The following SCN1A variants were observed in gnomAD, a reference collection of about 807,000 sequenced individuals.
SCN1A encodes the protein sodium channel protein type 1 subunit alpha.
In SCN1A, 13 loss-of-function variants were observed where a neutral mutation model predicts 193.7. The observed-to-expected ratio is 0.07, with a 90% CI of 0.04 to 0.11. SCN1A has a LOEUF of 0.11. Ranked by LOEUF, SCN1A falls within the 10% of genes least tolerant of loss-of-function variation. SCN1A has a pLI of 1.00. For synonymous variants in SCN1A, 781 were observed against 843.6 expected (o/e 0.93, Z 1.29); for missense variants, 1,432 against 2,451.1 (o/e 0.58, Z 8.78).
intron 1 of SCN1A, among the ~76,000 whole-genome samples, chr2:166,146,796 T>C (rs1228760888): frequency 6.6e-6 from 1 of 152,200 alleles, no homozygotes; most frequent in Non-Finnish European, 1.5e-5. Context: ...AGAGCTAAAG[T>C]TCTAAAATGG....
chr2:166,094,060 C>T (rs956490312), intron 2 of SCN1A, among the ~76,000 whole-genome samples: 20 of 152,098 alleles, frequency 1.3e-4, no homozygotes, highest in African/African-American at 4.6e-4. Flanking sequence ...CACACACACA[C>T]ACACAAAAAT....
At position 166,118,354 on chromosome 2, in the gene SCN1A, G is replaced by A. The variant is rs73028933; in HGVS notation, c.-142+8570C>T. Among the ~76,000 whole-genome samples the A allele has an allele frequency of 2.4e-3, 267 of 111,228 alleles. 1 individual carries two copies. The highest frequency in any genetic ancestry group is 9.3e-3 in the African/African-American group (261 of 28,110). The allele number at this position is 111,228 out of a possible 152,430, so 73.0% of individuals were successfully genotyped here. A position where few individuals can be genotyped will look rare whatever the true frequency, so the allele number is the denominator to read the frequency against. On this transcript the variant is annotated intron_variant, in intron 2 of 28. Coordinates refer to ENST00000674923, the MANE Select transcript of SCN1A (RefSeq NM_001165963.4). ...TTGAGAAAGCGTCTCACTCTCTTGC[G>A]CAGGCTGGAGTGCAGTGGCTAGATT...
At chr2:166,057,696 T>C (rs1699269222) in intron 5 of SCN1A, among the ~76,000 whole-genome samples, 1 of 152,044 alleles carries the variant, frequency 6.6e-6, no homozygotes, top group Admixed American at 6.6e-5. Flanking sequence ...AATTTCTTGC[T>C]GTCATATTAA....
upstream of SCN1A, among the ~76,000 whole-genome samples, chr2:166,128,859 GCCAAA>G (rs545542160): frequency 5.2e-3 from 792 of 152,108 alleles, 11 homozygotes; most frequent in African/African-American, 0.018. Flanking sequence ...AAAAATCCAT[GCCAAA>G]CTAATTATAA....
Position 166,012,091 on chromosome 2 carries a change from A to G in SCN1A, c.3879+18T>C, listed in dbSNP as rs767193771. 3 of 1,608,082 alleles carry G rather than the reference A, an allele frequency of 1.9e-6. No individual in the cohort carries two copies. Among genetic ancestry groups the G allele is most frequent in the Non-Finnish European group, 2.6e-6 (3 of 1,175,632 alleles). ...ACAAGCTACCTTGAACAGAGACAAA[A>G]ATATGAACGATACCTACATCAACAA... On this transcript the variant is annotated intron_variant, in intron 22 of 28. Coordinates refer to ENST00000674923, the MANE Select transcript of SCN1A (RefSeq NM_001165963.4).
intron 24 of SCN1A, chr2:166,000,115 G>T (rs1690626022): frequency 3.2e-6 from 1 of 310,796 alleles, no homozygotes; most frequent in Admixed American, 4.3e-5. Flanking sequence ...CAACACATGG[G>T]TCAATAGCTC....
chr2:166,048,970 G>T (rs994399), intron 9 of SCN1A, 21 bp from the exon 10 acceptor site: 1 of 1,512,676 alleles, frequency 6.6e-7, no homozygotes, highest in Admixed American at 1.7e-5. Flanking sequence ...AAAGAAAGTC[G>T]TATGATGAAC....
At chr2:165,997,347 A>G (rs1305554848) in intron 26 of SCN1A, among the ~76,000 whole-genome samples, 1 of 151,398 alleles carries the variant, frequency 6.6e-6, no homozygotes, top group Non-Finnish European at 1.5e-5. Flanking sequence ...GATAAAAAGT[A>G]CAACAATAAG....
chr2:166,116,052 A>G (rs1349768357), intron 2 of SCN1A, among the ~76,000 whole-genome samples: 1 of 152,252 alleles, frequency 6.6e-6, no homozygotes, highest in African/African-American at 2.4e-5. Context: ...CTGAAGGACT[A>G]ATGGTAAGGT....
Position 165,991,371 on chromosome 2 carries a change from A to G in SCN1A, c.5904T>C (p.Ser1968=), listed in dbSNP as rs1689106226. 1.2e-6 allele frequency: 2 copies of G among 1,613,366 alleles called. No individual in the cohort carries two copies. Among genetic ancestry groups the G allele is most frequent in the Non-Finnish European group, 1.7e-6 (2 of 1,179,748 alleles). ...DMIIDRINEN[S]ITEKTDLTMS... ...TGGTCAGATCAGTTTTTTCTGTAAT[A>G]GAGTTTTCATTTATTCTGTCAATTA... Residue 1968 remains serine, a synonymous_variant, in exon 29 of 29, where the codon TCT becomes TCC. Coordinates refer to ENST00000674923, the MANE Select transcript of SCN1A (RefSeq NM_001165963.4).
At chr2:166,067,592 T>A (rs2105954829) in intron 4 of SCN1A, among the ~76,000 whole-genome samples, 1 of 152,054 alleles carries the variant, frequency 6.6e-6, no homozygotes, top group East Asian at 1.9e-4. Flanking sequence ...TTATTTAAAC[T>A]CAGTTTTATT....
In SCN1A at chr2:166,055,106, A is replaced by G. The variant is rs192871468; in HGVS notation, c.474-340T>C. On this transcript the variant is annotated intron_variant, in intron 6 of 28. Transcript: ENST00000674923. ...GAATAGCCAATCAATAATATTGCAG[A>G]AGCATGAAATGATTTTCTTTTAGGG... Among the ~76,000 whole-genome samples, 16 of 152,086 alleles carry G rather than the reference A, an allele frequency of 1.1e-4. No homozygotes were observed. The East Asian group carries it at 3.1e-3, about 29-fold the overall frequency.
rs970867558 is a variant in SCN1A, at chr2:166,052,894, A to G, written c.652T>C (p.Phe218Leu). 3.1e-6 allele frequency: 5 copies of G among 1,612,424 alleles called. No homozygotes were observed. The highest frequency in any genetic ancestry group is 4.2e-6 in the Non-Finnish European group (5 of 1,179,108). ...DLGNVSALRTFRVLRALKTIS... is the reference protein window; with the variant it reads ...DLGNVSALRTLRVLRALKTIS... ...GTCTTCAATGCTCGGAGAACTCTGA[A>G]TGTTCTCAATGCCGAGACATTGCCC... Residue 218 changes from phenylalanine (F) to leucine (L), a missense_variant, in exon 8 of 29, where the codon TTC becomes CTC. By Grantham distance (22) the Phe-to-Leu change is conservative. Around this residue, in one of 18 missense-constraint regions of SCN1A, gnomAD observed 123 missense variants for 282.8 expected, o/e 0.43. Transcript: ENST00000674923.
intron 2 of SCN1A, among the ~76,000 whole-genome samples, chr2:166,108,858 G>A (rs1415374291): frequency 6.6e-6 from 1 of 152,106 alleles, no homozygotes; most frequent in Non-Finnish European, 1.5e-5. Flanking sequence ...CAATGGAAAT[G>A]TTCTAAAATG....
intron 21 of SCN1A, 82 bp downstream of exon 21, chr2:166,013,662 A>T (rs1052925568): frequency 7.7e-7 from 1 of 1,296,934 alleles, no homozygotes; most frequent in Non-Finnish European, 1.1e-6. Context: ...TACTAAGACA[A>T]TGAAACAAAG....
chr2:166,074,217 C>T (rs1684770177), intron 3 of SCN1A, among the ~76,000 whole-genome samples: 1 of 152,208 alleles, frequency 6.6e-6, no homozygotes, highest in South Asian at 2.1e-4. Flanking sequence ...TTTGAGACAA[C>T]TGGAACTATG....
Position 166,046,839 on chromosome 2 carries a change from T to C in SCN1A, c.1308A>G (p.Glu436=). Residue 436 remains glutamate, a synonymous_variant, in exon 12 of 29, where the codon GAA becomes GAG. Transcript: ENST00000674923. ...GAAATTCGGCCTCTTTCTGTTCTGCTTCTTCCAAGGTGGCCTGATTCTGTT... is the reference window on the plus strand; with the variant it reads ...GAAATTCGGCCTCTTTCTGTTCTGCCTCTTCCAAGGTGGCCTGATTCTGTT... The part of the protein sequence containing the change: ...YEEQNQATLE[E]AEQKEAEFQQ... 6.2e-7 allele frequency: 1 copy of C among 1,613,992 alleles called. No homozygotes were observed.
At chr2:166,097,578 G>T (rs183664586) in intron 2 of SCN1A, among the ~76,000 whole-genome samples, 11 of 151,992 alleles carry the variant, frequency 7.2e-5, no homozygotes, top group African/African-American at 2.7e-4. Flanking sequence ...TATGTTCAAA[G>T]GTACTTGTAT....
chr2:166,136,339 A>G (rs1311338451), intron 1 of SCN1A, among the ~76,000 whole-genome samples: 1 of 152,136 alleles, frequency 6.6e-6, no homozygotes, highest in Non-Finnish European at 1.5e-5. Context: ...GGATTTTCCC[A>G]TGCTCTTAGC....
Sources: gnomAD v4.1 joint callset for allele counts (sites outside exome capture counted in the v4.1 genomes callset) on GRCh38, gnomAD v4.1.1 for gene constraint, gnomAD v4.1.1 regional missense constraint, MANE v1.5 for transcripts, NCBI Gene and HGNC (gene_info 2026-07-23, HGNC 2026-07-21) for gene names.